HEG1: variants seen among roughly 807,000 people sequenced by gnomAD.
The protein encoded by HEG1 is heart development protein with EGF like domains 1.
A neutral mutation model predicts 125.6 loss-of-function variants in HEG1; 56 were observed. The ratio of observed to expected loss-of-function variants is 0.45; its 90% confidence interval spans 0.36 to 0.56. HEG1 has a LOEUF of 0.56. HEG1 is among the 20% of genes least tolerant of loss of function. The pLI, the probability that HEG1 is intolerant of heterozygous loss-of-function variation, is 0.00. For synonymous variants in HEG1, 644 were observed against 668.5 expected (o/e 0.96, Z 0.57); for missense variants, 1,523 against 1,670.0 (o/e 0.91, Z 1.53).
intron 5 of HEG1, among the ~76,000 whole-genome samples, chr3:125,014,475 A>T (rs1937213463): frequency 1.3e-5 from 2 of 152,120 alleles, no homozygotes; most frequent in African/African-American, 2.4e-5. Context: ...CTCTTATTTT[A>T]AGTCTCCCAG....
At chr3:125,009,487 T>A (rs1184577460) in intron 8 of HEG1, 4 of 365,862 alleles carry the variant, frequency 1.1e-5, no homozygotes, top group Non-Finnish European at 1.5e-5. Context: ...TGATTTCAAC[T>A]ATGTAAAAAT....
At chr3:124,999,575 T>A (rs1033895246) in intron 11 of HEG1, among the ~76,000 whole-genome samples, 6 of 152,208 alleles carry the variant, frequency 3.9e-5, no homozygotes, top group Non-Finnish European at 8.8e-5. Context: ...TGCTGGCAAA[T>A]CACTCTGCTG....
intron 1 of HEG1, among the ~76,000 whole-genome samples, chr3:125,041,043 A>C (rs1937590156): frequency 6.6e-6 from 1 of 152,182 alleles, no homozygotes; most frequent in South Asian, 2.1e-4. Context: ...GTTAACCCAG[A>C]AAATAGGTGG....
intron 6 of HEG1, 78 bp from the exon 7 acceptor site, chr3:125,010,633 C>T: frequency 1.2e-6 from 1 of 853,760 alleles, no homozygotes. Flanking sequence ...ATTTAATTCT[C>T]CCAGCTAATA....
At chr3:125,043,747 T>C (rs1236893408) in intron 1 of HEG1, among the ~76,000 whole-genome samples, 2 of 152,108 alleles carry the variant, frequency 1.3e-5, no homozygotes, top group Non-Finnish European at 2.9e-5. Context: ...TCTCCTGTGT[T>C]GTCACCGTCA....
intron 3 of HEG1, 86 bp downstream of exon 3, chr3:125,027,119 T>G: frequency 2.4e-6 from 3 of 1,231,870 alleles, no homozygotes; most frequent in African/African-American, 1.5e-5. Context: ...CCCACTATTA[T>G]GAGTATGTAA....
At chr3:125,026,353 G>C (rs2107706199) in intron 3 of HEG1, among the ~76,000 whole-genome samples, 1 of 152,236 alleles carries the variant, frequency 6.6e-6, no homozygotes, top group Middle Eastern at 3.4e-3. Context: ...GTCTCTCTGG[G>C]CAGAGAGGCA....
At position 124,970,519 on chromosome 3, in the gene HEG1, A is replaced by G. The variant is rs1579389985; in HGVS notation, c.*133T>C. The G allele has an allele frequency of 1.4e-6, 1 of 724,768 alleles. No homozygotes were observed. The highest frequency in any genetic ancestry group is 2.7e-5 in the Admixed American group (1 of 36,940). The allele number at this position is 724,768 out of a possible 1,614,324, so 44.9% of individuals were successfully genotyped here. On this transcript the variant is annotated 3_prime_UTR_variant, in exon 17 of 17. Coordinates refer to ENST00000311127, the MANE Select transcript of HEG1 (RefSeq NM_020733.2). ...CTCCTCCACTGTGGTCACGCCCCGC[A>G]TGCCTGTCCCTCTTCCTGCTTGCCA... is the stretch of plus-strand genomic sequence containing the variant.
chr3:124,996,364 G>T (rs62268964), intron 12 of HEG1, among the ~76,000 whole-genome samples: 41,509 of 152,020 alleles, frequency 0.27, 6,007 homozygotes, highest in African/African-American at 0.36. Context: ...AATTATAGGC[G>T]TGAGTCACCA....
Position 125,012,690 on chromosome 3 carries a change from G to T in HEG1, c.2889C>A (p.Pro963=). 6.2e-7 allele frequency: 1 copy of T among 1,613,868 alleles called. No individual in the cohort carries two copies. The highest frequency in any genetic ancestry group is 2.2e-5 in the East Asian group (1 of 44,872). The change falls in exon 6 of 17, where the codon CCC becomes CCA. Residue 963 remains proline, a synonymous_variant. Coordinates refer to ENST00000311127, the MANE Select transcript of HEG1 (RefSeq NM_020733.2). ...TVVSTAEDLA[P]KSATFAVQSS... is the part of the protein sequence containing the mutation. ...TCTGAACAGCAAAGGTGGCAGATTT[G>T]GGAGCCAAGTCTTCAGCCGTGGAAA...
intron 1 of HEG1, among the ~76,000 whole-genome samples, chr3:125,030,394 G>T (rs368557560): frequency 1.3e-5 from 2 of 152,208 alleles, no homozygotes; most frequent in African/African-American, 4.8e-5. Context: ...TAGCTGCATA[G>T]ATGTTCATTA....
chr3:124,966,763 T>C lies in HEG1; in HGVS notation c.*3889A>G, dbSNP rs921882864. ...TAAACTTAGCCAAGGGCAACTGGAG[T>C]GGACAGCTCCTCTTCCTCAGGCAGA... On this transcript the variant is annotated 3_prime_UTR_variant, in exon 17 of 17. Coordinates refer to ENST00000311127, the MANE Select transcript of HEG1 (RefSeq NM_020733.2). The C allele has an allele frequency of 6.6e-6, 1 of 152,102 alleles. No homozygotes were observed. Among genetic ancestry groups the C allele is most frequent in the Non-Finnish European group, 1.5e-5 (1 of 68,020 alleles). The allele number at this position is 152,102 out of a possible 1,614,324, so 9.4% of individuals were successfully genotyped here.
In HEG1 at chr3:125,021,019, G is replaced by A. The variant is rs201404346; in HGVS notation, c.1025C>T (p.Thr342Met). 6.6e-4 allele frequency: 1,066 copies of A among 1,613,396 alleles called. 2 individuals are homozygous for A. The highest frequency in any genetic ancestry group is 1.3e-3 in the South Asian group (121 of 90,944). The change falls in exon 4 of 17, where the codon ACG (threonine) becomes ATG (methionine). Residue 342 changes from threonine to methionine, a missense_variant. Transcript: ENST00000311127. ...ATVFTDGGPRTLRSLTVSLGP... is the reference protein window; with the variant it reads ...ATVFTDGGPRMLRSLTVSLGP... ...CAGACTGACCGTCAAAGATCGCAGCGTTCTCGGGCCACCATCAGTGAACAC... is the reference window on the plus strand; with the variant it reads ...CAGACTGACCGTCAAAGATCGCAGCATTCTCGGGCCACCATCAGTGAACAC...
In HEG1 at chr3:124,990,803, A is replaced by T. The variant is rs1326796195; in HGVS notation, c.3717T>A (p.Gly1239=). 4 of 1,563,762 alleles carry T rather than the reference A, an allele frequency of 2.6e-6. No individual in the cohort carries two copies. In the East Asian group the frequency reaches 9.5e-5, roughly 37 times the overall value. The change falls in exon 14 of 17, where the codon GGT becomes GGA. Residue 1239 remains glycine (G), a synonymous_variant. Coordinates refer to ENST00000311127, the MANE Select transcript of HEG1 (RefSeq NM_020733.2). ...TACACTTACGGTTTCCACAGTTGAG[A>T]CCACCAAGGCCAAATGGGCAACTGC... ...TCMSCPFGLG[G]LNCGNPYQLI... is the part of the protein sequence containing the mutation.
chr3:124,976,749 G>T (rs1936548749), intron 15 of HEG1, among the ~76,000 whole-genome samples: 1 of 152,020 alleles, frequency 6.6e-6, no homozygotes, highest in African/African-American at 2.4e-5. Context: ...TACCTTTCCT[G>T]GGAAAGCTGG....
intron 14 of HEG1, among the ~76,000 whole-genome samples, chr3:124,989,416 C>T (rs909130895): frequency 2.6e-5 from 4 of 152,172 alleles, no homozygotes; most frequent in African/African-American, 9.7e-5. Flanking sequence ...TCCACTGGCA[C>T]ATTTGTCTGT....
At chr3:124,970,952 A>C in intron 16 of HEG1, 151 bp from the exon 17 acceptor site, 2 of 715,026 alleles carry the variant, frequency 2.8e-6, no homozygotes, top group Admixed American at 2.8e-5. Context: ...AATTTTTTTA[A>C]AGTATCTTTC....
chr3:125,047,505 T>C (rs1009476995), intron 1 of HEG1, among the ~76,000 whole-genome samples: 5 of 152,176 alleles, frequency 3.3e-5, no homozygotes, highest in Admixed American at 2.0e-4. Context: ...ATTGAGACTG[T>C]CTGACGCTTC....
intron 3 of HEG1, among the ~76,000 whole-genome samples, chr3:125,024,217 T>C (rs948186894): frequency 3.9e-5 from 6 of 152,232 alleles, no homozygotes; most frequent in African/African-American, 1.4e-4. Context: ...CATTTTCCAT[T>C]ATGATTCTCA....
Sources: gnomAD v4.1 joint callset for allele counts (sites outside exome capture counted in the v4.1 genomes callset) on GRCh38, gnomAD v4.1.1 for gene constraint, MANE v1.5 for transcripts, NCBI Gene and HGNC (gene_info 2026-07-23, HGNC 2026-07-21) for gene names.